Variants in MGRN1 observed in about 807,000 individuals in gnomAD.
The protein encoded by MGRN1 is E3 ubiquitin-protein ligase MGRN1.
MGRN1 carries 29 observed loss-of-function variants against 69.2 expected under a neutral mutation model. The ratio of observed to expected loss-of-function variants is 0.42; its 90% CI spans 0.31 to 0.57. The LOEUF (loss-of-function observed/expected upper bound fraction) is 0.57. MGRN1 is among the 20% of genes least tolerant of loss of function. The probability of loss-of-function intolerance (pLI) is 0.15; values close to 1 mark genes in which losing one functional copy is unlikely to be tolerated. For missense variants in MGRN1, 998 were observed against 796.2 expected (o/e 1.25, Z -3.05); for synonymous variants, 470 against 344.2 (o/e 1.37, Z -4.04).
rs368634774 is a variant in MGRN1 at position 4,671,385 on chromosome 16, C to T, written c.727-6C>T. The T allele has an allele frequency of 6.2e-7, 1 of 1,614,084 alleles. No individual in the cohort carries two copies. The highest frequency in any genetic ancestry group is 1.1e-5 in the South Asian group (1 of 91,084). Reference sequence around the variant, plus strand: ...AGGGCCCAGTGAGCCCCTCTCTGCTCTCCAGGTGGACCGGGTCAGCTACCT... The same window carrying T: ...AGGGCCCAGTGAGCCCCTCTCTGCTTTCCAGGTGGACCGGGTCAGCTACCT... On this transcript the variant is annotated splice_region_variant and splice_polypyrimidine_tract_variant and intron_variant, in intron 8 of 16. Coordinates refer to ENST00000262370, the MANE Select transcript of MGRN1 (RefSeq NM_015246.4).
At chr16:4,683,818 C>A (rs774616589) in intron 15 of MGRN1, 25 bp from the exon 16 acceptor site, 11 of 1,608,354 alleles carry the variant, frequency 6.8e-6, no homozygotes, top group Admixed American at 1.7e-5. Context: ...GCCTGTAGGT[C>A]CCTAACCTCA....
chr16:4,684,026 AG>A, intron 16 of MGRN1, 94 bp downstream of exon 16: 1 of 1,114,444 alleles, frequency 9.0e-7, no homozygotes, highest in Non-Finnish European at 1.3e-6. Flanking sequence ...ATAGCAGCAG[AG>A]GCTGTCCATT....
chr16:4,648,844 C>A (rs1448230566), intron 1 of MGRN1, among the ~76,000 whole-genome samples: 2 of 123,892 alleles, frequency 1.6e-5, no homozygotes, highest in Admixed American at 7.5e-5. Context: ...CCTCCCGGGG[C>A]TCTTCCCGTG....
At chr16:4,635,508 C>T (rs1046378692) in intron 1 of MGRN1, among the ~76,000 whole-genome samples, 1 of 151,704 alleles carries the variant, frequency 6.6e-6, no homozygotes, top group Non-Finnish European at 1.5e-5. Flanking sequence ...CTTGCTCTGT[C>T]GCCCAGGCTG....
intron 8 of MGRN1, among the ~76,000 whole-genome samples, 181 bp downstream of exon 8, chr16:4,668,493 ACT>A (rs1188151322): frequency 2.0e-5 from 3 of 150,448 alleles, no homozygotes; most frequent in Admixed American, 6.6e-5. Context: ...ACCATCAGAC[ACT>A]CACATTCACA....
chr16:4,657,229 C>G lies in MGRN1; in HGVS notation c.444-17C>G. 1.2e-6 allele frequency: 2 copies of G among 1,611,008 alleles called. No homozygotes were observed. Among genetic ancestry groups the G allele is most frequent in the South Asian group, 1.1e-5 (1 of 91,010 alleles). The stretch of plus-strand genomic sequence containing the variant: ...CTTCCTGCCGCAGCCTCACTGCTTG[C>G]TCCTGGCTCCCTGCAGATACAGCCC... On this transcript the variant is annotated splice_polypyrimidine_tract_variant and intron_variant, in intron 4 of 16. Transcript: ENST00000262370.
At chr16:4,625,214 C>G (rs1897609417) in intron 1 of MGRN1, among the ~76,000 whole-genome samples, 166 bp downstream of exon 1, 1 of 152,130 alleles carries the variant, frequency 6.6e-6, no homozygotes, top group South Asian at 2.1e-4. Context: ...CTAGGCGTGG[C>G]TGGGGGCCCC....
At chr16:4,675,530 A>G (rs1173674823) in intron 10 of MGRN1, among the ~76,000 whole-genome samples, 1 of 152,058 alleles carries the variant, frequency 6.6e-6, no homozygotes, top group Admixed American at 6.5e-5. Context: ...CTTGAGCCCA[A>G]GAGTTCGAGA....
intron 1 of MGRN1, among the ~76,000 whole-genome samples, chr16:4,627,606 G>T (rs1619528): frequency 0.23 from 33,668 of 144,606 alleles, 4,375 homozygotes; most frequent in African/African-American, 0.37. Flanking sequence ...GCTAACACGG[G>T]GAAACCCCGT....
intron 8 of MGRN1, 35 bp downstream of exon 8, chr16:4,668,347 TAA>T: frequency 1.2e-6 from 2 of 1,608,286 alleles, no homozygotes; most frequent in Non-Finnish European, 1.7e-6. Context: ...GTGCTTGAAT[TAA>T]AAGACACACA....
At chr16:4,674,631 T>TC (rs2079016191) in intron 10 of MGRN1, among the ~76,000 whole-genome samples, 1 of 100,812 alleles carries the variant, frequency 9.9e-6, no homozygotes, top group African/African-American at 3.9e-5. Flanking sequence ...CTTTTCTTTT[T>TC]TTTTTTTTTT....
chr16:4,674,939 C>T (rs919225442), intron 10 of MGRN1, among the ~76,000 whole-genome samples: 13 of 150,798 alleles, frequency 8.6e-5, no homozygotes, highest in East Asian at 2.0e-4. Flanking sequence ...CGCGCCTGGC[C>T]GAGCCACCGC....
At chr16:4,667,920 G>A (rs114609722) in intron 7 of MGRN1, among the ~76,000 whole-genome samples, 83 of 152,216 alleles carry the variant, frequency 5.5e-4, no homozygotes, top group African/African-American at 1.9e-3. Context: ...TTCTCGGTGT[G>A]CAGGAGGCCC....
In MGRN1 at chr16:4,645,115, G is replaced by A. The variant is rs528617521; in HGVS notation, c.89-5250G>A. Among the ~76,000 whole-genome samples, 38 of 141,054 alleles carry A rather than the reference G, an allele frequency of 2.7e-4. 1 individual carries two copies. The South Asian group carries it at 5.3e-3, about 20-fold the overall frequency. 92.5% of individuals were successfully genotyped at this position (141,054 alleles called of 152,430 possible). On this transcript the variant is annotated intron_variant, in intron 1 of 16. Coordinates refer to ENST00000262370, the MANE Select transcript of MGRN1 (RefSeq NM_015246.4). Reference sequence around the variant, plus strand: ...TGAAGTTATTTATATGTATATATGCGTGTGCATATATATATAGAGTGAGAG... The same window carrying A: ...TGAAGTTATTTATATGTATATATGCATGTGCATATATATATAGAGTGAGAG...
At chr16:4,654,668 C>G (rs956248470) in intron 4 of MGRN1, among the ~76,000 whole-genome samples, 1 of 152,246 alleles carries the variant, frequency 6.6e-6, no homozygotes, top group African/African-American at 2.4e-5. Flanking sequence ...TCTGTGTCCT[C>G]AGCTGGAAGT....
intron 16 of MGRN1, among the ~76,000 whole-genome samples, chr16:4,684,319 C>T (rs1404992391): frequency 6.6e-6 from 1 of 152,268 alleles, no homozygotes; most frequent in Non-Finnish European, 1.5e-5. Context: ...TGTTCCCCCA[C>T]TCCTGGTCCT....
At chr16:4,672,243 C>T (rs957207007) in intron 9 of MGRN1, among the ~76,000 whole-genome samples, 6 of 151,994 alleles carry the variant, frequency 3.9e-5, no homozygotes, top group African/African-American at 7.2e-5. Flanking sequence ...GATGGGGTTT[C>T]ACTATGTTGG....
chr16:4,686,990 T>C, intron 16 of MGRN1: 3 of 985,406 alleles, frequency 3.0e-6, no homozygotes, highest in Non-Finnish European at 3.6e-6. Flanking sequence ...CCTGAGGGCG[T>C]CCGCTCACAC....
chr16:4,639,434 G>C (rs1160246344), intron 1 of MGRN1, among the ~76,000 whole-genome samples: 1 of 152,188 alleles, frequency 6.6e-6, no homozygotes, highest in Non-Finnish European at 1.5e-5. Context: ...GGGGAGCTTG[G>C]CCATGGCCTT....
Sources: allele counts gnomAD v4.1 joint callset (sites outside exome capture counted in the v4.1 genomes callset), GRCh38; gene constraint gnomAD v4.1.1; transcripts MANE v1.5; gene names NCBI Gene and HGNC (gene_info 2026-07-23, HGNC 2026-07-21).